The following GLIS3 variants were observed in gnomAD, a reference collection of about 807,000 sequenced individuals.
GLIS3 encodes the protein zinc finger protein GLIS3.
In GLIS3, 53 loss-of-function variants were observed where a neutral mutation model predicts 78.6. The ratio of observed to expected loss-of-function variants is 0.67; its 90% confidence interval spans 0.54 to 0.85. GLIS3 has a LOEUF of 0.85. Among genes scored for constraint, GLIS3 ranks in the 40% least tolerant of loss-of-function variants. GLIS3 has a pLI of 0.00. For missense variants in GLIS3, 1,703 were observed against 1,231.1 expected, an observed-to-expected ratio of 1.38 and a Z score of -5.74; for synonymous variants, 684 against 509.9, an observed-to-expected ratio of 1.34 and a Z score of -4.60.
At chr9:4,268,909 T>G (rs1008301811) in intron 2 of GLIS3, among the ~76,000 whole-genome samples, 9 of 152,122 alleles carry the variant, frequency 5.9e-5, no homozygotes, top group Non-Finnish European at 1.2e-4. Context: ...TTGCTGCAGC[T>G]ACTATCTACA....
At chr9:3,924,329 C>T (rs1426611145) in intron 6 of GLIS3, among the ~76,000 whole-genome samples, 2 of 152,206 alleles carry the variant, frequency 1.3e-5, no homozygotes, top group Non-Finnish European at 2.9e-5. Flanking sequence ...TGAACTAGCT[C>T]CCCTTTCACT....
chr9:4,440,104 C>T, the GLIS3 span, among the ~76,000 whole-genome samples: 122 of 152,238 alleles, frequency 8.0e-4, no homozygotes, highest in African/African-American at 2.7e-3. Context: ...TCTTGTCAGA[C>T]GTGTAGTTTT....
intron 2 of GLIS3, among the ~76,000 whole-genome samples, chr9:4,167,951 G>A (rs1370912348): frequency 6.6e-6 from 1 of 152,130 alleles, no homozygotes; most frequent in Non-Finnish European, 1.5e-5. Flanking sequence ...CTCTGACCAG[G>A]ACACATTCTA....
chr9:4,291,896 A>G (rs1816012216), intron 1 of GLIS3, among the ~76,000 whole-genome samples: 1 of 152,168 alleles, frequency 6.6e-6, no homozygotes. Context: ...ACTAGTAATT[A>G]TTAGAAGTGT....
At chr9:4,126,258 G>T (rs1359425435) in intron 2 of GLIS3, among the ~76,000 whole-genome samples, 1 of 152,086 alleles carries the variant, frequency 6.6e-6, no homozygotes, top group African/African-American at 2.4e-5. Flanking sequence ...TAAGTAGATG[G>T]GATTGCCTGT....
chr9:4,121,500 C>G (rs1231841465), intron 3 of GLIS3, among the ~76,000 whole-genome samples: 1 of 152,154 alleles, frequency 6.6e-6, no homozygotes, highest in Admixed American at 6.5e-5. Context: ...ATGGCACTCA[C>G]AAAGCATTTT....
chr9:4,160,870 T>C (rs1340565261), intron 2 of GLIS3, among the ~76,000 whole-genome samples: 2 of 152,146 alleles, frequency 1.3e-5, no homozygotes, highest in African/African-American at 4.8e-5. Context: ...TCAATACTCA[T>C]TGTGTGTGCA....
At chr9:4,225,800 T>A (rs1404388492) in intron 2 of GLIS3, among the ~76,000 whole-genome samples, 1 of 152,206 alleles carries the variant, frequency 6.6e-6, no homozygotes, top group Non-Finnish European at 1.5e-5. Flanking sequence ...AGTCTATTCA[T>A]CCTACGAGTC....
At chr9:4,373,893 C>T in the GLIS3 span, among the ~76,000 whole-genome samples, 18,241 of 152,068 alleles carry the variant, frequency 0.12, 1,382 homozygotes, top group Middle Eastern at 0.22. Context: ...GTCTCAAATT[C>T]CTGACCTCGT....
chr9:3,933,904 T>A (rs1398267462), intron 5 of GLIS3, among the ~76,000 whole-genome samples: 2 of 152,204 alleles, frequency 1.3e-5, no homozygotes, highest in African/African-American at 4.8e-5. Flanking sequence ...ATAATTTAAT[T>A]TGACATACCA....
At chr9:3,894,399 A>T (rs184646257) in intron 7 of GLIS3, among the ~76,000 whole-genome samples, 1 of 152,348 alleles carries the variant, frequency 6.6e-6, no homozygotes, top group Admixed American at 6.5e-5. Flanking sequence ...TTTACAGAAA[A>T]TTATTTCTAA....
intron 6 of GLIS3, among the ~76,000 whole-genome samples, chr9:3,902,418 G>A (rs1419955182): frequency 6.6e-6 from 1 of 152,162 alleles, no homozygotes; most frequent in African/African-American, 2.4e-5. Flanking sequence ...AGAATCTCTT[G>A]GGAGGGGTGT....
intron 9 of GLIS3, among the ~76,000 whole-genome samples, chr9:3,845,117 ATATG>A (rs756738745): frequency 6.6e-6 from 1 of 152,192 alleles, no homozygotes; most frequent in Non-Finnish European, 1.5e-5. Context: ...ATGCATATAT[ATATG>A]AAGAGATTTA....
In GLIS3 at chr9:3,856,149, C is replaced by A; in HGVS notation, c.2333G>T (p.Ser778Ile). The change falls in exon 9 of 11, where the codon AGC (serine) becomes ATC (isoleucine). Residue 778 changes from serine to isoleucine, a missense_variant. Physicochemically the swap from Ser to Ile is moderately radical, Grantham distance 142 (BLOSUM62 -2). Transcript: ENST00000381971. ...APSAPSPHHI[S>I]PRRVPAPSSI... The stretch of plus-strand genomic sequence containing the variant: ...AGAAGGAGCTGGAACTCTCCGGGGG[C>A]TGATGTGGTGAGGAGATGGAGCAGA... The A allele has an allele frequency of 1.2e-6, 2 of 1,614,022 alleles. No individual in the cohort carries two copies. The highest frequency in any genetic ancestry group is 1.7e-6 in the Non-Finnish European group (2 of 1,179,996).
intron 2 of GLIS3, among the ~76,000 whole-genome samples, chr9:4,193,286 C>G (rs1563731592): frequency 1.3e-5 from 2 of 152,142 alleles, no homozygotes; most frequent in Non-Finnish European, 2.9e-5. Flanking sequence ...ACATGAAATT[C>G]AAATCTTGGT....
chr9:4,485,643 C>T, the GLIS3 span, among the ~76,000 whole-genome samples: 1 of 152,096 alleles, frequency 6.6e-6, no homozygotes, highest in South Asian at 2.1e-4. Context: ...AGTGAATCAG[C>T]TCTACCTGTG....
chr9:4,458,697 C>G, the GLIS3 span, among the ~76,000 whole-genome samples: 1 of 152,124 alleles, frequency 6.6e-6, no homozygotes, highest in Non-Finnish European at 1.5e-5. Flanking sequence ...ACTCGGGAGG[C>G]TGAGGCAGGA....
intron 7 of GLIS3, among the ~76,000 whole-genome samples, chr9:3,885,758 G>C (rs1324933258): frequency 6.6e-6 from 1 of 152,212 alleles, no homozygotes; most frequent in African/African-American, 2.4e-5. Context: ...TTCGGGAACA[G>C]CTGGACAACA....
rs148869715 is a variant in GLIS3, at chr9:4,118,041, C to T, written c.1437G>A (p.Gln479=). 1 of 1,579,420 alleles carries T rather than the reference C, an allele frequency of 6.3e-7. No individual in the cohort carries two copies. Among genetic ancestry groups the T allele is most frequent in the African/African-American group, 1.4e-5 (1 of 73,726 alleles). The change falls in exon 4 of 11, where the codon CAG becomes CAA. Residue 479 remains glutamine, a synonymous_variant. Coordinates refer to ENST00000381971, the MANE Select transcript of GLIS3 (RefSeq NM_001042413.2). The surrounding 1 kb of genome is among the most constrained non-coding windows in gnomAD (Gnocchi z 4.7). ...CCAGGGTGGCCTGGGGCAAGGCCAG[C>T]TGCTGGGCGTGGGGCCCGAGCTCCG... ...HHPELGPHAQ[Q]LALPQATLDD...
Sources: allele counts gnomAD v4.1 joint callset (sites outside exome capture counted in the v4.1 genomes callset), GRCh38; gene constraint gnomAD v4.1.1; non-coding constraint Gnocchi (gnomAD v3.1); transcripts MANE v1.5; gene names NCBI Gene and HGNC (gene_info 2026-07-23, HGNC 2026-07-21).